NIPAL2: variants seen among roughly 807,000 people sequenced by gnomAD.
NIPAL2 encodes NIPA like domain containing 2, also known as NIPA-like protein 2.
A neutral mutation model predicts 48.9 loss-of-function variants in NIPAL2; 43 were observed. The ratio of observed to expected loss-of-function variants is 0.88; its 90% confidence interval spans 0.69 to 1.13. The LOEUF (loss-of-function observed/expected upper bound fraction) is 1.13, where lower values mean the gene tolerates loss of function less well. Among genes scored for constraint, NIPAL2 ranks in the 50% most tolerant of loss-of-function variants. The probability of loss-of-function intolerance (pLI) is 0.00; values close to 1 mark genes in which losing one functional copy is unlikely to be tolerated. For synonymous variants in NIPAL2, 167 were observed against 174.6 expected (o/e 0.96, Z 0.34); for missense variants, 446 against 461.4 (o/e 0.97, Z 0.31).
intron 1 of NIPAL2, among the ~76,000 whole-genome samples, chr8:98,260,853 TA>T (rs1433680040): frequency 6.6e-6 from 1 of 151,874 alleles, no homozygotes; most frequent in Non-Finnish European, 1.5e-5. Flanking sequence ...AAGACAGCAG[TA>T]ACCTCTGCAG....
intron 3 of NIPAL2, among the ~76,000 whole-genome samples, chr8:98,247,876 T>C (rs1011370767): frequency 4.6e-5 from 7 of 152,246 alleles, no homozygotes; most frequent in Non-Finnish European, 8.8e-5. Context: ...TTCTTTGTAC[T>C]GGATTTCTGG....
At chr8:98,257,219 A>G (rs901332769) in intron 1 of NIPAL2, among the ~76,000 whole-genome samples, 2 of 152,182 alleles carry the variant, frequency 1.3e-5, no homozygotes, top group African/African-American at 4.8e-5. Context: ...CTGAAGACTG[A>G]CAAAACAGAC....
chr8:98,205,836 T>C (rs1811007071), intron 6 of NIPAL2, among the ~76,000 whole-genome samples: 1 of 152,182 alleles, frequency 6.6e-6, no homozygotes, highest in Non-Finnish European at 1.5e-5. Flanking sequence ...ATTAAGAATA[T>C]TTTTGACAAT....
intron 3 of NIPAL2, among the ~76,000 whole-genome samples, chr8:98,244,324 G>GA (rs1187116296): frequency 0.017 from 1,493 of 88,838 alleles, 330 homozygotes; most frequent in East Asian, 0.051. Flanking sequence ...GTGGTGATGA[G>GA]GGGTAGTCTG....
intron 1 of NIPAL2, among the ~76,000 whole-genome samples, chr8:98,261,702 C>T (rs926139233): frequency 1.4e-5 from 2 of 146,168 alleles, no homozygotes; most frequent in African/African-American, 2.6e-5. Context: ...GGAAAACACT[C>T]TGCAGGATAT....
intron 1 of NIPAL2, among the ~76,000 whole-genome samples, chr8:98,260,534 T>G (rs535304293): frequency 2.1e-3 from 319 of 151,938 alleles, no homozygotes; most frequent in African/African-American, 7.1e-3. Context: ...ACCTGGAAAA[T>G]CGGGTCACTC....
At chr8:98,218,017 G>C (rs972658951) in intron 5 of NIPAL2, among the ~76,000 whole-genome samples, 1 of 152,104 alleles carries the variant, frequency 6.6e-6, no homozygotes, top group Non-Finnish European at 1.5e-5. Context: ...ATTAATCTCA[G>C]TACTTTTTGT....
intron 1 of NIPAL2, among the ~76,000 whole-genome samples, chr8:98,274,559 A>AT (rs1815349561): frequency 6.6e-6 from 1 of 151,960 alleles, no homozygotes; most frequent in Non-Finnish European, 1.5e-5. Context: ...TTTAATCTCA[A>AT]TAATGTTTTT....
intron 1 of NIPAL2, among the ~76,000 whole-genome samples, chr8:98,266,364 G>A (rs1263923525): frequency 6.6e-6 from 1 of 151,972 alleles, no homozygotes; most frequent in Admixed American, 6.6e-5. Context: ...CACTTTGGGA[G>A]GCTGAGATGG....
chr8:98,286,506 G>A lies in NIPAL2; in HGVS notation c.135+7497C>T, dbSNP rs558598035. ...TCAGCACCTCCTGATATGTGCCAAA[G>A]ATGGCAAGATACCTTGTTGAGGCTA... On this transcript the variant is annotated intron_variant, in intron 1 of 10. Coordinates refer to ENST00000430223, the MANE Select transcript of NIPAL2 (RefSeq NM_001321635.2). Among the ~76,000 whole-genome samples, 5 of 152,244 alleles carry A rather than the reference G, an allele frequency of 3.3e-5. No homozygotes were observed. In the East Asian group the frequency reaches 7.7e-4, roughly 24 times the overall value.
Position 98,194,708 on chromosome 8 carries a change from TA to T in NIPAL2, c.1039+19del. On this transcript the variant is annotated intron_variant, in intron 10 of 10. Coordinates refer to ENST00000430223, the MANE Select transcript of NIPAL2 (RefSeq NM_001321635.2). Reference sequence around the variant, plus strand: ...TTTATAAGGATCAAATTTTCCACTATAAAGAATATATGATTTTACCAGGAAT... The same window carrying T: ...TTTATAAGGATCAAATTTTCCACTATAAGAATATATGATTTTACCAGGAAT... 1 of 1,405,030 alleles carries T rather than the reference TA, an allele frequency of 7.1e-7. No individual in the cohort carries two copies. The highest frequency in any genetic ancestry group is 9.7e-7 in the Non-Finnish European group (1 of 1,031,286). The allele number at this position is 1,405,030 out of a possible 1,614,324, so 87.0% of individuals were successfully genotyped here. A position where few individuals can be genotyped will look rare whatever the true frequency, so the allele number is the denominator to read the frequency against.
chr8:98,252,985 C>T (rs1391867971), intron 2 of NIPAL2, among the ~76,000 whole-genome samples: 2 of 151,910 alleles, frequency 1.3e-5, no homozygotes, highest in Non-Finnish European at 2.9e-5. Context: ...CTCTTGCTGT[C>T]CTGCTTGGTA....
In NIPAL2 at chr8:98,192,964, A is replaced by G. The variant is rs1810365198; in HGVS notation, c.*14T>C. The G allele has an allele frequency of 1.3e-6, 2 of 1,546,228 alleles. No homozygotes were observed. The highest frequency in any genetic ancestry group is 1.4e-5 in the African/African-American group (1 of 73,566). On this transcript the variant is annotated 3_prime_UTR_variant, in exon 11 of 11. Transcript: ENST00000430223. ...GGTATCGAATAACAGGCCAACAGCC[A>G]TCCTTCTCAGCATTTAGACCTCTTT...
chr8:98,242,549 G>A (rs1051899532), intron 3 of NIPAL2, among the ~76,000 whole-genome samples: 6 of 147,786 alleles, frequency 4.1e-5, no homozygotes, highest in Admixed American at 2.0e-4. Context: ...GTGCATTGGC[G>A]ATCTCAGCTC....
chr8:98,281,065 A>G (rs969707927), intron 1 of NIPAL2, among the ~76,000 whole-genome samples: 5 of 152,026 alleles, frequency 3.3e-5, no homozygotes, highest in Admixed American at 6.6e-5. Context: ...GAAAAATAAA[A>G]CCATTGCGCA....
chr8:98,218,750 C>T (rs542153246), intron 5 of NIPAL2, among the ~76,000 whole-genome samples: 49 of 152,206 alleles, frequency 3.2e-4, no homozygotes, highest in African/African-American at 1.2e-3. Context: ...CTGAGCCATG[C>T]CCATGAGGGT....
intron 1 of NIPAL2, among the ~76,000 whole-genome samples, chr8:98,260,259 G>A (rs1308012249): frequency 3.9e-5 from 6 of 152,258 alleles, no homozygotes; most frequent in East Asian, 1.9e-4. Context: ...TTTCTCAATT[G>A]TAAGATGAAA....
At chr8:98,262,718 A>T (rs1306934128) in intron 1 of NIPAL2, among the ~76,000 whole-genome samples, 17 of 151,594 alleles carry the variant, frequency 1.1e-4, no homozygotes, top group African/African-American at 3.6e-4. Flanking sequence ...AGACAGATCA[A>T]CGAGACAGAA....
intron 3 of NIPAL2, among the ~76,000 whole-genome samples, chr8:98,241,690 A>G (rs2130802815): frequency 6.6e-6 from 1 of 152,380 alleles, no homozygotes; most frequent in African/African-American, 2.4e-5. Context: ...AAAATTACAC[A>G]GTGATATTGA....
Sources: gnomAD v4.1 joint callset for allele counts (sites outside exome capture counted in the v4.1 genomes callset) on GRCh38, gnomAD v4.1.1 for gene constraint, MANE v1.5 for transcripts, NCBI Gene and HGNC (gene_info 2026-07-23, HGNC 2026-07-21) for gene names.